The following FER variants were observed in gnomAD, a reference collection of about 807,000 sequenced individuals.
FER encodes the protein FER tyrosine kinase, also known as tyrosine-protein kinase Fer.
In FER, 63 loss-of-function variants were observed where a neutral mutation model predicts 111.0. That is an observed-to-expected ratio of 0.57 (90% confidence interval 0.46 to 0.70). The LOEUF is 0.70. Among genes scored for constraint, FER ranks in the 30% least tolerant of loss-of-function variants. The probability of loss-of-function intolerance (pLI) is 0.00; values close to 1 mark genes in which losing one functional copy is unlikely to be tolerated. For synonymous variants in FER, 327 were observed against 313.9 expected (o/e 1.04, Z -0.44); for missense variants, 914 against 954.0 (o/e 0.96, Z 0.55).
intron 13 of FER, among the ~76,000 whole-genome samples, chr5:108,971,013 A>G (rs969876579): frequency 3.3e-5 from 5 of 152,284 alleles, no homozygotes; most frequent in African/African-American, 1.2e-4. Context: ...TATGTGAGAT[A>G]TATACATAAC....
At chr5:109,008,702 C>T (rs1423435301) in intron 13 of FER, among the ~76,000 whole-genome samples, 5 of 152,244 alleles carry the variant, frequency 3.3e-5, no homozygotes, top group African/African-American at 4.8e-5. Flanking sequence ...AATAGCAGGC[C>T]GGGCACAGTG....
At chr5:109,036,563 C>A (rs1487040139) in intron 13 of FER, among the ~76,000 whole-genome samples, 2 of 151,928 alleles carry the variant, frequency 1.3e-5, no homozygotes, top group Admixed American at 6.6e-5. Flanking sequence ...AATAAGAAAC[C>A]TAACTCATAA....
intron 3 of FER, among the ~76,000 whole-genome samples, chr5:108,807,705 A>T (rs1043452189): frequency 6.6e-6 from 1 of 152,142 alleles, no homozygotes; most frequent in Admixed American, 6.5e-5. Context: ...TAGGTATAGT[A>T]TTAGATCCTG....
intron 13 of FER, among the ~76,000 whole-genome samples, chr5:109,025,869 A>G (rs1267118145): frequency 6.6e-6 from 1 of 152,178 alleles, no homozygotes; most frequent in Non-Finnish European, 1.5e-5. Context: ...TTGAACGTAC[A>G]TATTTTTCTA....
chr5:109,058,448 A>G lies in FER; in HGVS notation c.1924+11250A>G, dbSNP rs1346821912. ...TATTTATTTGCCAGTATTTAAAATTAAAATGGTAAGATACTGTAGTATTAT... is the reference window on the plus strand; with the variant it reads ...TATTTATTTGCCAGTATTTAAAATTGAAATGGTAAGATACTGTAGTATTAT... On this transcript the variant is annotated intron_variant, in intron 16 of 19. Coordinates refer to ENST00000281092, the MANE Select transcript of FER (RefSeq NM_005246.4). Among the ~76,000 whole-genome samples, 5 of 152,214 alleles carry G rather than the reference A, an allele frequency of 3.3e-5. No individual in the cohort carries two copies. In the East Asian group the frequency reaches 9.7e-4, roughly 29 times the overall value.
At chr5:108,880,306 A>G (rs1440930756) in intron 8 of FER, among the ~76,000 whole-genome samples, 1 of 152,168 alleles carries the variant, frequency 6.6e-6, no homozygotes, top group Non-Finnish European at 1.5e-5. Context: ...AAGGCTTTTT[A>G]TTAAATTCAG....
intron 16 of FER, among the ~76,000 whole-genome samples, chr5:109,085,367 C>G (rs1777447353): frequency 1.3e-5 from 2 of 150,674 alleles, no homozygotes. Flanking sequence ...GTATTTTTTT[C>G]TGGCATATAG....
chr5:108,992,981 G>A (rs1424188604), intron 13 of FER, among the ~76,000 whole-genome samples: 3 of 150,962 alleles, frequency 2.0e-5, no homozygotes, highest in African/African-American at 7.4e-5. Flanking sequence ...TAGATGGGAT[G>A]GCGGCCGGGA....
At chr5:108,938,062 A>G (rs1755764093) in intron 10 of FER, among the ~76,000 whole-genome samples, 2 of 143,470 alleles carry the variant, frequency 1.4e-5, no homozygotes, top group South Asian at 4.4e-4. Context: ...ACACACACAC[A>G]CACACACACG....
intron 15 of FER, among the ~76,000 whole-genome samples, chr5:109,045,803 A>G (rs1026695710): frequency 2.6e-5 from 4 of 152,214 alleles, no homozygotes; most frequent in Non-Finnish European, 1.5e-5. Context: ...ATGCAATCTC[A>G]TGGTTCATAT....
chr5:109,007,911 T>C (rs906500728), intron 13 of FER, among the ~76,000 whole-genome samples: 2 of 152,226 alleles, frequency 1.3e-5, no homozygotes, highest in Admixed American at 1.3e-4. Context: ...ACATTTTTAC[T>C]AGCTTTTAGT....
intron 5 of FER, among the ~76,000 whole-genome samples, chr5:108,853,474 G>C (rs1466256247): frequency 1.3e-5 from 2 of 152,184 alleles, no homozygotes. Flanking sequence ...ATTGGGTATT[G>C]AGAAGATGAT....
chr5:109,028,381 C>T (rs1322790201), intron 13 of FER, among the ~76,000 whole-genome samples: 1 of 152,138 alleles, frequency 6.6e-6, no homozygotes, highest in African/African-American at 2.4e-5. Flanking sequence ...GAACTTGAAA[C>T]TTAAAATAGA....
At chr5:108,896,690 T>C (rs1245197583) in intron 9 of FER, among the ~76,000 whole-genome samples, 1 of 152,200 alleles carries the variant, frequency 6.6e-6, no homozygotes, top group Non-Finnish European at 1.5e-5. Context: ...ATCAGCATCA[T>C]ATATATAAAT....
chr5:108,834,698 C>CAA (rs758205074), intron 4 of FER, among the ~76,000 whole-genome samples: 19 of 51,574 alleles, frequency 3.7e-4, no homozygotes, highest in African/African-American at 7.8e-4. Context: ...GATTCTGTCT[C>CAA]AAAAAAAAAA....
intron 16 of FER, among the ~76,000 whole-genome samples, chr5:109,084,483 G>GT: frequency 6.7e-6 from 1 of 148,316 alleles, no homozygotes; most frequent in East Asian, 2.0e-4. Context: ...CTGTTATGTG[G>GT]GGTTATTTTA....
chr5:109,006,385 C>G (rs757000240), intron 13 of FER, among the ~76,000 whole-genome samples: 3 of 152,094 alleles, frequency 2.0e-5, no homozygotes, highest in African/African-American at 7.2e-5. Context: ...GTTTTATAAA[C>G]GGGAGTTCCT....
rs539446879 is a variant in FER at position 108,798,694 on chromosome 5, G to A, written c.207+305G>A. The stretch of plus-strand genomic sequence containing the variant: ...GAAACCCTGTCTCTACAAAAAATAT[G>A]AAAATTAGCTGGGCGTGGTAGCATG... On this transcript the variant is annotated intron_variant, in intron 3 of 19. Transcript: ENST00000281092. Among the ~76,000 whole-genome samples, 3 of 152,178 alleles carry A rather than the reference G, an allele frequency of 2.0e-5. No homozygotes were observed. The South Asian group carries it at 6.2e-4, about 32-fold the overall frequency.
chr5:109,171,052 A>G (rs1045939936), intron 17 of FER, among the ~76,000 whole-genome samples: 33 of 152,316 alleles, frequency 2.2e-4, no homozygotes, highest in African/African-American at 7.5e-4. Context: ...TGTCTTGCAT[A>G]TATCTATCTA....
Sources: gnomAD v4.1 joint callset for allele counts (sites outside exome capture counted in the v4.1 genomes callset) on GRCh38, gnomAD v4.1.1 for gene constraint, MANE v1.5 for transcripts, NCBI Gene and HGNC (gene_info 2026-07-23, HGNC 2026-07-21) for gene names.